FAM193A: variants seen among roughly 807,000 people sequenced by gnomAD.
The protein encoded by FAM193A is protein FAM193A.
A neutral mutation model predicts 126.5 loss-of-function variants in FAM193A; 22 were observed. The observed-to-expected ratio is 0.17, with a 90% CI of 0.12 to 0.25. FAM193A has a LOEUF of 0.25. Ranked by LOEUF, FAM193A falls within the 10% of genes least tolerant of loss-of-function variation. The probability of loss-of-function intolerance (pLI) is 1.00; values close to 1 mark genes in which losing one functional copy is unlikely to be tolerated. For synonymous variants in FAM193A, 761 were observed against 646.8 expected, an observed-to-expected ratio of 1.18 and a Z score of -2.68; for missense variants, 1,675 against 1,672.8, an observed-to-expected ratio of 1.00 and a Z score of -0.02.
intron 1 of FAM193A, among the ~76,000 whole-genome samples, chr4:2,573,233 C>G (rs1203235573): frequency 6.6e-6 from 1 of 152,072 alleles, no homozygotes; most frequent in East Asian, 1.9e-4. Flanking sequence ...GCCCATGAGG[C>G]CAGGTGCAGT....
chr4:2,552,748 A>C (rs531042823), intron 1 of FAM193A, among the ~76,000 whole-genome samples: 1 of 150,278 alleles, frequency 6.7e-6, no homozygotes, highest in East Asian at 2.0e-4. Context: ...CGTGTTAGCC[A>C]GGATGGTCTT....
chr4:2,544,863 C>G (rs965679062), intron 1 of FAM193A, among the ~76,000 whole-genome samples: 1 of 151,814 alleles, frequency 6.6e-6, no homozygotes, highest in Admixed American at 6.6e-5. Flanking sequence ...ACAGGGAGAC[C>G]TCATCTTAAA....
At chr4:2,664,558 CT>C (rs33958851) in intron 12 of FAM193A, among the ~76,000 whole-genome samples, 69 of 73,084 alleles carry the variant, frequency 9.4e-4, no homozygotes, top group African/African-American at 2.2e-3. Context: ...TATTTTCTTT[CT>C]TTTTTTTTTT....
chr4:2,719,166 CATATT>C (rs1431116576), intron 20 of FAM193A, among the ~76,000 whole-genome samples: 2 of 152,106 alleles, frequency 1.3e-5, no homozygotes, highest in African/African-American at 4.8e-5. Context: ...TTATCTCACT[CATATT>C]AGATTCAAAA....
chr4:2,597,585 C>T (rs941500143), intron 2 of FAM193A, among the ~76,000 whole-genome samples: 18 of 152,112 alleles, frequency 1.2e-4, no homozygotes, highest in Admixed American at 1.2e-3. Flanking sequence ...CAGCCCCCGG[C>T]TTGTCTTGGT....
intron 12 of FAM193A, among the ~76,000 whole-genome samples, chr4:2,665,030 T>C (rs1712948762): frequency 6.6e-6 from 1 of 152,184 alleles, no homozygotes; most frequent in African/African-American, 2.4e-5. Flanking sequence ...TGGATGTGGT[T>C]GTGGTCTTTT....
intron 19 of FAM193A, among the ~76,000 whole-genome samples, chr4:2,709,732 C>G (rs1001145405): frequency 6.0e-5 from 9 of 149,550 alleles, no homozygotes; most frequent in African/African-American, 2.3e-4. Flanking sequence ...AAACAAAACA[C>G]AGGAAATTTT....
intron 5 of FAM193A, among the ~76,000 whole-genome samples, chr4:2,635,231 A>C (rs1743973089): frequency 6.6e-6 from 1 of 152,212 alleles, no homozygotes; most frequent in Non-Finnish European, 1.5e-5. Context: ...TTACACTGCC[A>C]TCCAGTGATC....
intron 1 of FAM193A, among the ~76,000 whole-genome samples, chr4:2,539,881 C>A (rs1737120512): frequency 2.7e-5 from 4 of 150,048 alleles, no homozygotes; most frequent in African/African-American, 9.8e-5. Flanking sequence ...GGTGGATCAC[C>A]TGAGGTCAGG....
At chr4:2,582,023 C>T (rs935668043) in intron 1 of FAM193A, among the ~76,000 whole-genome samples, 5 of 152,048 alleles carry the variant, frequency 3.3e-5, no homozygotes. Context: ...TTTTTTCTTT[C>T]AAGATTTTAG....
At chr4:2,724,330 TCTAAA>T (rs1750594777) in intron 20 of FAM193A, among the ~76,000 whole-genome samples, 1 of 152,272 alleles carries the variant, frequency 6.6e-6, no homozygotes, top group Middle Eastern at 3.4e-3. Flanking sequence ...TTAAATAACC[TCTAAA>T]CTAGTCAAAA....
chr4:2,699,587 G>C, intron 18 of FAM193A, 93 bp from the exon 19 acceptor site: 1 of 1,253,244 alleles, frequency 8.0e-7, no homozygotes, highest in East Asian at 2.3e-5. Context: ...TGTTCCATAT[G>C]TGATTCGTTT....
At chr4:2,688,010 C>T (rs1715936672) in intron 13 of FAM193A, among the ~76,000 whole-genome samples, 1 of 152,180 alleles carries the variant, frequency 6.6e-6, no homozygotes, top group African/African-American at 2.4e-5. Context: ...TCCAGGGAAC[C>T]CTCCCACTTG....
chr4:2,603,166 A>T (rs932141060), intron 2 of FAM193A, among the ~76,000 whole-genome samples: 2 of 146,710 alleles, frequency 1.4e-5, no homozygotes, highest in African/African-American at 5.2e-5. Context: ...GTATATATAT[A>T]TATTTTTTAG....
chr4:2,547,515 G>A (rs1301896241), intron 1 of FAM193A, among the ~76,000 whole-genome samples: 1 of 152,034 alleles, frequency 6.6e-6, no homozygotes, highest in Non-Finnish European at 1.5e-5. Context: ...GCTTCCCAGT[G>A]TTAGGATTAC....
chr4:2,552,423 T>C (rs1166144785), intron 1 of FAM193A, among the ~76,000 whole-genome samples: 1 of 152,150 alleles, frequency 6.6e-6, no homozygotes, highest in Non-Finnish European at 1.5e-5. Flanking sequence ...AGTGCTGGGA[T>C]TATAGGCGTG....
At chr4:2,722,448 A>G (rs1352686793) in intron 20 of FAM193A, among the ~76,000 whole-genome samples, 1 of 152,128 alleles carries the variant, frequency 6.6e-6, no homozygotes, top group Non-Finnish European at 1.5e-5. Flanking sequence ...AATGTGGTTG[A>G]TGTTCTTGAG....
chr4:2,714,743 T>A (rs1215842474), intron 19 of FAM193A, among the ~76,000 whole-genome samples: 1 of 152,138 alleles, frequency 6.6e-6, no homozygotes, highest in Non-Finnish European at 1.5e-5. Context: ...CCATGGAAAT[T>A]CCCCAGTGGT....
rs56875674 is a variant in FAM193A, at chr4:2,721,312, C to CA, written c.4454+5237dup. 7.8e-3 allele frequency among the ~76,000 whole-genome samples: 547 copies of CA among 69,992 alleles called. 29 individuals carry two copies. The highest frequency in any genetic ancestry group is 0.02 in the African/African-American group (314 of 15,814). The allele number at this position is 69,992 out of a possible 152,430, so 45.9% of individuals were successfully genotyped here. ...TGGGCAACAGAGCAAGACTCCGTCT[C>CA]AAAAAAAAAAAAAAAAAAAAAAAAA... is the stretch of plus-strand genomic sequence containing the variant. On this transcript the variant is annotated intron_variant, in intron 20 of 20. Coordinates refer to ENST00000637812, the MANE Select transcript of FAM193A (RefSeq NM_001366318.2).
Sources: gnomAD v4.1 joint callset for allele counts (sites outside exome capture counted in the v4.1 genomes callset) on GRCh38, gnomAD v4.1.1 for gene constraint, MANE v1.5 for transcripts, NCBI Gene and HGNC (gene_info 2026-07-23, HGNC 2026-07-21) for gene names.